TMPRSS2: variants seen among roughly 807,000 people sequenced by gnomAD.
TMPRSS2 encodes the protein transmembrane serine protease 2.
Under a neutral mutation model 67.4 loss-of-function variants are expected in TMPRSS2, and 59 were observed. The observed-to-expected ratio is 0.88, with a 90% CI of 0.71 to 1.09. The LOEUF (loss-of-function observed/expected upper bound fraction) is 1.09. TMPRSS2 is among the 50% of genes least tolerant of loss of function. The probability of loss-of-function intolerance (pLI) is 0.00; values close to 1 mark genes in which losing one functional copy is unlikely to be tolerated. For missense variants in TMPRSS2, 668 were observed against 642.7 expected, an observed-to-expected ratio of 1.04 and a Z score of -0.43; for synonymous variants, 257 against 257.0, an observed-to-expected ratio of 1.00 and a Z score of 0.00.
intron 1 of TMPRSS2, among the ~76,000 whole-genome samples, chr21:41,501,379 C>T (rs1247726554): frequency 2.0e-5 from 3 of 152,136 alleles, no homozygotes; most frequent in South Asian, 2.1e-4. Flanking sequence ...GAGGCCAAGG[C>T]GGGCAGATCA....
In TMPRSS2 at chr21:41,470,690, G is replaced by T; in HGVS notation, c.1129C>A (p.Gln377Lys). 6.2e-7 allele frequency: 1 copy of T among 1,613,694 alleles called. No homozygotes were observed. Among genetic ancestry groups the T allele is most frequent in the Non-Finnish European group, 8.5e-7 (1 of 1,179,986 alleles). ...PNPGMMLQPE[Q>K]LCWISGWGAT... is the part of the protein sequence containing the mutation. ...CCCCACCCGGAAATCCAGCAGAGCTGTTCTGGCTGCAGCATCATGCCTGGG... is the reference window on the plus strand; with the variant it reads ...CCCCACCCGGAAATCCAGCAGAGCTTTTCTGGCTGCAGCATCATGCCTGGG... Residue 377 changes from glutamine (Q) to lysine (K), a missense_variant, in exon 11 of 14, where the codon CAG becomes AAG. Gln to Lys is a moderately conservative substitution (Grantham distance 53, BLOSUM62 1). Coordinates refer to ENST00000332149, the MANE Select transcript of TMPRSS2 (RefSeq NM_005656.4).
intron 2 of TMPRSS2, chr21:41,494,808 T>C (rs555707950): frequency 7.0e-5 from 39 of 560,858 alleles, no homozygotes; most frequent in African/African-American, 1.7e-4. Context: ...CGGTGGCTCA[T>C]GCCTGTAATC....
chr21:41,504,800 G>T (rs1011566498), intron 1 of TMPRSS2, among the ~76,000 whole-genome samples: 1 of 152,134 alleles, frequency 6.6e-6, no homozygotes, highest in African/African-American at 2.4e-5. Context: ...GGGCCAGGAG[G>T]GGCCCCACAA....
chr21:41,482,530 G>A (rs2091264285), intron 5 of TMPRSS2, among the ~76,000 whole-genome samples: 1 of 152,222 alleles, frequency 6.6e-6, no homozygotes, highest in African/African-American at 2.4e-5. Context: ...TATAAAGTGA[G>A]GACCTGGCTA....
In TMPRSS2 at chr21:41,508,133, G is replaced by T; in HGVS notation, c.-109C>A. On this transcript the variant is annotated 5_prime_UTR_variant, in exon 1 of 14. Transcript: ENST00000332149. ...CCCCTCGCCCTCCGCCTCCGCCTCC[G>T]CCTCCTGCTTAGCTCGCGCCTACTC... is the stretch of plus-strand genomic sequence containing the variant. 3 of 907,516 alleles carry T rather than the reference G, an allele frequency of 3.3e-6. No homozygotes were observed. The highest frequency in any genetic ancestry group is 1.8e-5 in the African/African-American group (1 of 57,076). The allele number at this position is 907,516 out of a possible 1,614,324, so 56.2% of individuals were successfully genotyped here.
At chr21:41,502,170 C>T (rs1479751271) in intron 1 of TMPRSS2, among the ~76,000 whole-genome samples, 2 of 152,218 alleles carry the variant, frequency 1.3e-5, no homozygotes, top group Admixed American at 6.5e-5. Flanking sequence ...GCTGTGGCAT[C>T]GTATCCGCAT....
rs1006344554 is a variant in TMPRSS2 at position 41,478,335 on chromosome 21, C to G, written c.683+837G>C. On this transcript the variant is annotated intron_variant, in intron 7 of 13. Coordinates refer to ENST00000332149, the MANE Select transcript of TMPRSS2 (RefSeq NM_005656.4). The surrounding 1 kb of genome is among the most constrained non-coding windows in gnomAD (Gnocchi z 4.0). ...GCGGGGTGATTAGTTCATCCTCCCC[C>G]GAAATGCAGCACCTGGCACCTGGCA... Among the ~76,000 whole-genome samples the G allele has an allele frequency of 1.3e-5, 2 of 152,144 alleles. No homozygotes were observed. The highest frequency in any genetic ancestry group is 4.8e-5 in the African/African-American group (2 of 41,436).
At chr21:41,494,982 T>G (rs1396943028) in intron 2 of TMPRSS2, among the ~76,000 whole-genome samples, 8 of 150,748 alleles carry the variant, frequency 5.3e-5, no homozygotes, top group African/African-American at 1.7e-4. Flanking sequence ...GGCAGGAGAA[T>G]GGCTTGAACC....
intron 5 of TMPRSS2, among the ~76,000 whole-genome samples, chr21:41,485,681 A>G (rs2091292256): frequency 6.6e-6 from 1 of 151,994 alleles, no homozygotes; most frequent in Non-Finnish European, 1.5e-5. Flanking sequence ...GAAAGAAAAG[A>G]AAAAGCCATT....
chr21:41,467,372 C>G (rs461194), intron 13 of TMPRSS2, among the ~76,000 whole-genome samples: 142,817 of 150,164 alleles, frequency 0.95, 68,447 homozygotes, highest in African/African-American at 0.99. Flanking sequence ...CTGGGCGACA[C>G]AGTGAGACTC....
At chr21:41,470,891 C>A in intron 10 of TMPRSS2, 148 bp from the exon 11 acceptor site, 2 of 565,708 alleles carry the variant, frequency 3.5e-6, no homozygotes, top group East Asian at 3.0e-5. Context: ...TTCTCACTTT[C>A]TCCCCCTGCC....
At chr21:41,483,051 C>T (rs1198046478) in intron 5 of TMPRSS2, among the ~76,000 whole-genome samples, 2 of 152,092 alleles carry the variant, frequency 1.3e-5, no homozygotes, top group Non-Finnish European at 2.9e-5. Context: ...TTGTCAAATC[C>T]CACAGAACTG....
chr21:41,490,540 C>A (rs986565982), intron 3 of TMPRSS2, among the ~76,000 whole-genome samples: 1 of 152,234 alleles, frequency 6.6e-6, no homozygotes, highest in Non-Finnish European at 1.5e-5. Context: ...AGCGCCAGTG[C>A]AGGCCTTTTG....
chr21:41,470,216 C>T (rs1271764287), intron 11 of TMPRSS2, among the ~76,000 whole-genome samples: 1 of 152,100 alleles, frequency 6.6e-6, no homozygotes, highest in Non-Finnish European at 1.5e-5. Flanking sequence ...TGGAGAGAGC[C>T]TCTCTCTGTG....
At position 41,480,516 on chromosome 21, in the gene TMPRSS2, C is replaced by T. The variant is rs139092674; in HGVS notation, c.532G>A (p.Glu178Lys). ...CTGCAGGCCGCCCGCCCGTAGTTCTCGTTCCAGTCGTCTTGGCACACAGGG... is the reference window on the plus strand; with the variant it reads ...CTGCAGGCCGCCCGCCCGTAGTTCTTGTTCCAGTCGTCTTGGCACACAGGG... ...WHPVCQDDWN[E>K]NYGRAACRDM... Residue 178 changes from glutamate (E) to lysine (K), a missense_variant, in exon 6 of 14, where the codon GAG becomes AAG. Glu to Lys is a moderately conservative substitution (Grantham distance 56, BLOSUM62 1). Coordinates refer to ENST00000332149, the MANE Select transcript of TMPRSS2 (RefSeq NM_005656.4). 10 of 1,613,572 alleles carry T rather than the reference C, an allele frequency of 6.2e-6. No individual in the cohort carries two copies. The highest frequency in any genetic ancestry group is 5.5e-5 in the South Asian group (5 of 91,088).
intron 1 of TMPRSS2, among the ~76,000 whole-genome samples, chr21:41,507,745 G>T (rs1040008369): frequency 7.2e-5 from 11 of 152,146 alleles, no homozygotes; most frequent in Admixed American, 3.3e-4. Context: ...CTAGGAGCCA[G>T]CTTTGGGGAC....
In TMPRSS2 at chr21:41,479,263, G is replaced by A. The variant is rs1412952163; in HGVS notation, c.592C>T (p.Gln198Ter). ...GATCCGCTGTCATCCACTATTCCTTGGCTAGAGTAAAAATTATTCCTAAAA... is the reference window on the plus strand; with the variant it reads ...GATCCGCTGTCATCCACTATTCCTTAGCTAGAGTAAAAATTATTCCTAAAA... ...MGYKNNFYSS[Q>*]GIVDDSGSTS... The change falls in exon 7 of 14, where the codon CAA becomes TAA. Residue 198 changes from glutamine (Q) to a stop codon, truncating the protein, a stop_gained. Transcript: ENST00000332149. LOFTEE classifies it high-confidence loss of function. 3 of 1,613,396 alleles carry A rather than the reference G, an allele frequency of 1.9e-6. No individual in the cohort carries two copies. Among genetic ancestry groups the A allele is most frequent in the Non-Finnish European group, 2.5e-6 (3 of 1,179,850 alleles).
At chr21:41,489,628 G>C (rs982038546) in intron 3 of TMPRSS2, 35 bp from the exon 4 acceptor site, 2 of 1,483,262 alleles carry the variant, frequency 1.3e-6, no homozygotes, top group Non-Finnish European at 1.9e-6. Context: ...GTTCAGACCA[G>C]AGTTGTTTAG....
At chr21:41,470,790 T>G in intron 10 of TMPRSS2, 47 bp from the exon 11 acceptor site, 1 of 679,758 alleles carries the variant, frequency 1.5e-6, no homozygotes, top group African/African-American at 4.1e-5. Flanking sequence ...GTATCACCTA[T>G]GTCTCCACCT....
Sources: gnomAD v4.1 joint callset for allele counts (sites outside exome capture counted in the v4.1 genomes callset) on GRCh38, gnomAD v4.1.1 for gene constraint, Gnocchi (gnomAD v3.1) non-coding constraint, MANE v1.5 for transcripts, NCBI Gene and HGNC (gene_info 2026-07-23, HGNC 2026-07-21) for gene names.